The following SCEL variants were observed in gnomAD, a reference collection of about 807,000 sequenced individuals.
SCEL encodes sciellin.
SCEL carries 113 observed loss-of-function variants against 117.6 expected under a neutral mutation model. The ratio of observed to expected loss-of-function variants is 0.96; its 90% confidence interval spans 0.83 to 1.12. The LOEUF (loss-of-function observed/expected upper bound fraction) is 1.12, where lower values mean the gene tolerates loss of function less well. SCEL is among the 50% of genes most tolerant of loss of function. The pLI, the probability that SCEL is intolerant of heterozygous loss-of-function variation, is 0.00. For synonymous variants in SCEL, 270 were observed against 256.2 expected, an observed-to-expected ratio of 1.05 and a Z score of -0.51; for missense variants, 785 against 810.8, an observed-to-expected ratio of 0.97 and a Z score of 0.39.
chr13:77,585,454 G>C (rs868306652), intron 9 of SCEL, among the ~76,000 whole-genome samples: 1 of 152,018 alleles, frequency 6.6e-6, no homozygotes, highest in African/African-American at 2.4e-5. Flanking sequence ...GCAGCCCTGG[G>C]GTCATGTGGG....
At chr13:77,612,805 G>T in intron 22 of SCEL, 86 bp from the exon 23 acceptor site, 1 of 710,288 alleles carries the variant, frequency 1.4e-6, no homozygotes. Context: ...AAATTAGCAG[G>T]TCATTTGATT....
At chr13:77,594,203 T>G (rs1407988) in intron 12 of SCEL, among the ~76,000 whole-genome samples, 20,284 of 152,194 alleles carry the variant, frequency 0.13, 1,435 homozygotes, top group Non-Finnish European at 0.15. Flanking sequence ...ATCAATGCCA[T>G]AATTTTTCCA....
chr13:77,630,060 C>T (rs1693314084), intron 28 of SCEL, among the ~76,000 whole-genome samples: 1 of 152,028 alleles, frequency 6.6e-6, no homozygotes, highest in South Asian at 2.1e-4. Context: ...TTGGGGAAAA[C>T]AGGTTTTGGT....
At chr13:77,635,817 A>C (rs935601151) in intron 29 of SCEL, among the ~76,000 whole-genome samples, 1 of 152,120 alleles carries the variant, frequency 6.6e-6, no homozygotes, top group Non-Finnish European at 1.5e-5. Context: ...TTCTCAAAGC[A>C]TAGTCTCTGG....
At chr13:77,593,599 G>A (rs1234000421) in intron 12 of SCEL, 26 bp downstream of exon 12, 3 of 1,588,086 alleles carry the variant, frequency 1.9e-6, no homozygotes, top group Non-Finnish European at 2.6e-6. Context: ...TTTTGAGCTT[G>A]GGTTTTATCT....
chr13:77,588,079 T>G (rs1234934223), intron 9 of SCEL, among the ~76,000 whole-genome samples: 3 of 152,186 alleles, frequency 2.0e-5, no homozygotes, highest in Non-Finnish European at 2.9e-5. Context: ...ATTATTATTA[T>G]TATTTGCACA....
At chr13:77,584,518 T>C (rs149869953) in intron 9 of SCEL, among the ~76,000 whole-genome samples, 93 of 152,324 alleles carry the variant, frequency 6.1e-4, no homozygotes, top group African/African-American at 2.1e-3. Context: ...GATCTACTTC[T>C]ACTCCCCTGA....
At chr13:77,634,510 T>C in intron 29 of SCEL, 60 bp downstream of exon 29, 1 of 1,224,618 alleles carries the variant, frequency 8.2e-7, no homozygotes, top group Non-Finnish European at 1.2e-6. Context: ...GGATCTATGT[T>C]TAATAAGAGA....
At chr13:77,613,827 GC>G in intron 23 of SCEL, 65 bp from the exon 24 acceptor site, 1 of 1,224,280 alleles carries the variant, frequency 8.2e-7, no homozygotes, top group South Asian at 1.2e-5. Context: ...TGAATGACTT[GC>G]ACCTGTCAAA....
intron 1 of SCEL, among the ~76,000 whole-genome samples, chr13:77,540,940 G>T (rs1191710947): frequency 1.3e-5 from 2 of 152,198 alleles, no homozygotes; most frequent in African/African-American, 4.8e-5. Context: ...GTTTGAATTG[G>T]TGTCTTGCAA....
chr13:77,539,069 TA>T lies in SCEL; in HGVS notation c.-20+3249del, dbSNP rs1242017589. Among the ~76,000 whole-genome samples the T allele has an allele frequency of 7.2e-5, 11 of 152,272 alleles. No individual in the cohort carries two copies. In the East Asian group the frequency reaches 2.1e-3, roughly 29 times the overall value. ...CTTTTGTCATTAGAGATGCTGTGTG[TA>T]AAAGTTTAAAAGAAATTTATATACA... is the stretch of plus-strand genomic sequence containing the variant. On this transcript the variant is annotated intron_variant, in intron 1 of 32. Coordinates refer to ENST00000349847, the MANE Select transcript of SCEL (RefSeq NM_144777.3).
chr13:77,611,719 T>G (rs777134803), intron 22 of SCEL, among the ~76,000 whole-genome samples: 4 of 152,058 alleles, frequency 2.6e-5, no homozygotes, highest in Non-Finnish European at 5.9e-5. Context: ...AGCTGTGTAG[T>G]CTTGGACAAA....
At chr13:77,541,016 A>C (rs977589942) in intron 1 of SCEL, among the ~76,000 whole-genome samples, 6 of 152,218 alleles carry the variant, frequency 3.9e-5, no homozygotes, top group Non-Finnish European at 8.8e-5. Flanking sequence ...CAAGGTCAGA[A>C]AGAAGATTGA....
At chr13:77,583,319 C>A (rs867763904) in intron 9 of SCEL, among the ~76,000 whole-genome samples, 4 of 152,294 alleles carry the variant, frequency 2.6e-5, no homozygotes, top group Middle Eastern at 3.4e-3. Context: ...AATCTAGAAT[C>A]TAGATCTCTA....
intron 19 of SCEL, among the ~76,000 whole-genome samples, chr13:77,605,966 C>T (rs972913805): frequency 9.9e-5 from 15 of 152,186 alleles, no homozygotes; most frequent in East Asian, 1.9e-4. Context: ...CCAGCCTGGG[C>T]GACAGAGTGA....
intron 8 of SCEL, among the ~76,000 whole-genome samples, chr13:77,570,081 A>G (rs2085508342): frequency 1.3e-5 from 2 of 152,352 alleles, no homozygotes; most frequent in South Asian, 4.1e-4. Context: ...TGTGATGCAA[A>G]TGGAAAACAA....
chr13:77,553,321 C>T (rs962961335), intron 1 of SCEL, among the ~76,000 whole-genome samples: 4 of 152,172 alleles, frequency 2.6e-5, no homozygotes, highest in Non-Finnish European at 5.9e-5. Context: ...TCTTTTGTCT[C>T]ACAATTGCAT....
intron 12 of SCEL, among the ~76,000 whole-genome samples, chr13:77,594,568 T>C (rs144948010): frequency 1.2e-4 from 18 of 152,188 alleles, no homozygotes; most frequent in Non-Finnish European, 2.5e-4. Flanking sequence ...AGTTGCACTA[T>C]TCATATTTTA....
chr13:77,555,791 G>C, intron 1 of SCEL, 66 bp from the exon 2 acceptor site: 1 of 1,047,092 alleles, frequency 9.6e-7, no homozygotes, highest in South Asian at 1.3e-5. Context: ...TCTCAGTCAT[G>C]AAACAGTCAC....
Sources: gnomAD v4.1 joint callset for allele counts (sites outside exome capture counted in the v4.1 genomes callset) on GRCh38, gnomAD v4.1.1 for gene constraint, MANE v1.5 for transcripts, NCBI Gene and HGNC (gene_info 2026-07-23, HGNC 2026-07-21) for gene names.